FSIP2: variants seen among roughly 807,000 people sequenced by gnomAD.
The protein encoded by FSIP2 is fibrous sheath interacting protein 2, also known as fibrous sheath-interacting protein 2.
A neutral mutation model predicts 510.5 loss-of-function variants in FSIP2; 367 were observed. That is an observed-to-expected ratio of 0.72 (90% CI 0.66 to 0.78). FSIP2 has a LOEUF of 0.78. Among genes scored for constraint, FSIP2 ranks in the 30% least tolerant of loss-of-function variants. The pLI is 0.00. For synonymous variants in FSIP2, 2,601 were observed against 2,732.2 expected, an observed-to-expected ratio of 0.95 and a Z score of 1.50; for missense variants, 7,594 against 7,901.7, an observed-to-expected ratio of 0.96 and a Z score of 1.48.
chr2:185,767,513 T>C (rs79588984), intron 13 of FSIP2, among the ~76,000 whole-genome samples: 1,573 of 152,166 alleles, frequency 0.01, 17 homozygotes, highest in African/African-American at 0.035. Flanking sequence ...GACATTTTTA[T>C]ATAACACATA....
At chr2:185,738,770 C>T (rs1289276014), upstream of FSIP2, 2 of 1,535,796 alleles carry the variant, frequency 1.3e-6, no homozygotes, top group African/African-American at 1.4e-5. Context: ...GCCTGGAACG[C>T]GGGGGGCGGG....
intron 17 of FSIP2, among the ~76,000 whole-genome samples, chr2:185,812,065 G>C (rs1693743930): frequency 6.6e-6 from 1 of 152,102 alleles, no homozygotes; most frequent in South Asian, 2.1e-4. Context: ...TAGTGCAGTT[G>C]TTGGAAGAAA....
chr2:185,767,224 C>T (rs1411434613), intron 13 of FSIP2, among the ~76,000 whole-genome samples: 24 of 148,728 alleles, frequency 1.6e-4, no homozygotes, highest in Admixed American at 2.7e-4. Context: ...TGCTAGATGA[C>T]GAGTTAGTGG....
rs775883059 is a variant in FSIP2 at position 185,745,493 on chromosome 2, T to A, written c.542T>A (p.Val181Asp). The stretch of plus-strand genomic sequence containing the variant: ...AATCAAATCCCTCAACATTGTGATG[T>A]TGCACAAGTCCAAAACTGGTTGTTA... ...ENNQIPQHCD[V>D]AQVQNWLLKE... The change falls in exon 5 of 23, where the codon GTT becomes GAT. Residue 181 changes from valine (V) to aspartate (D), a missense_variant. By Grantham distance (152) the Val-to-Asp change is radical. Coordinates refer to ENST00000424728, the MANE Select transcript of FSIP2 (RefSeq NM_173651.4). 2 of 1,535,496 alleles carry A rather than the reference T, an allele frequency of 1.3e-6. No individual in the cohort carries two copies. The highest frequency in any genetic ancestry group is 2.4e-5 in the South Asian group (2 of 84,030).
chr2:185,813,734 AC>A lies in FSIP2; in HGVS notation c.20018del (p.Thr6673IlefsTer15). ...TGAAGATGAAGTTGTTTTAACACAG[AC>A]TTTTGCAAAAGAAGAAGGCATCAAA... is the stretch of plus-strand genomic sequence containing the variant. ...SDEDEVVLTQTFAKEEGIKVF... is the reference protein window; with the variant it reads ...SDEDEVVLTQXFAKEEGIKVF... On this transcript the variant is annotated frameshift_variant, in exon 18 of 23. Transcript: ENST00000424728. LOFTEE classifies it high-confidence loss of function. 3 of 1,612,328 alleles carry A rather than the reference AC, an allele frequency of 1.9e-6. No individual in the cohort carries two copies. Among genetic ancestry groups the A allele is most frequent in the Non-Finnish European group, 2.5e-6 (3 of 1,179,204 alleles).
chr2:185,749,073 A>G (rs1177784896), intron 7 of FSIP2, among the ~76,000 whole-genome samples: 1 of 151,982 alleles, frequency 6.6e-6, no homozygotes, highest in Non-Finnish European at 1.5e-5. Context: ...AATTCTTTGA[A>G]TCTGTCATGT....
At position 185,793,350 on chromosome 2, in the gene FSIP2, GT is replaced by G; in HGVS notation, c.6216del (p.Ile2073LeufsTer46). 6.5e-7 allele frequency: 1 copy of G among 1,534,006 alleles called. No homozygotes were observed. Among genetic ancestry groups the G allele is most frequent in the Non-Finnish European group, 8.7e-7 (1 of 1,145,574 alleles). ...KEIDLDQQKGVIEKLLNETKY... is the reference protein window; with the variant it reads ...KEIDLDQQKGXIEKLLNETKY... Reference sequence around the variant, plus strand: ...GATCGATTTAGATCAGCAAAAAGGTGTTATTGAAAAGCTGCTCAATGAGACC... The same window carrying G: ...GATCGATTTAGATCAGCAAAAAGGTGTATTGAAAAGCTGCTCAATGAGACC... On this transcript the variant is annotated frameshift_variant, in exon 16 of 23. Transcript: ENST00000424728. LOFTEE classifies it high-confidence loss of function.
At chr2:185,832,960 C>A in intron 22 of FSIP2, 130 bp from the exon 23 acceptor site, 2 of 693,564 alleles carry the variant, frequency 2.9e-6, no homozygotes, top group East Asian at 2.7e-5. Flanking sequence ...CATAATGATG[C>A]CATGAGAGTC....
In FSIP2 at chr2:185,740,402, C is replaced by CTATT. The variant is rs1691901410; in HGVS notation, c.225+933_225+934insTTTA. ...ACCCCCAAACCTCCCCAGCCTTTGA[C>CTATT]TAAGTAGTCAATGCTGAAGGAGGTT... On this transcript the variant is annotated intron_variant, in intron 2 of 22. Transcript: ENST00000424728. The CTATT allele has an allele frequency of 2.6e-5, 4 of 152,338 alleles. No individual in the cohort carries two copies. The South Asian group carries it at 6.2e-4, about 24-fold the overall frequency. The allele number at this position is 152,338 out of a possible 1,614,324, so 9.4% of individuals were successfully genotyped here. A position where few individuals can be genotyped will look rare whatever the true frequency, so the allele number is the denominator to read the frequency against.
At chr2:185,766,269 T>C (rs902139327) in intron 13 of FSIP2, 1 of 151,646 alleles carries the variant, frequency 6.6e-6, no homozygotes, top group East Asian at 2.0e-4. Flanking sequence ...AAGGACTTCA[T>C]GTCTAAAACA....
At chr2:185,744,822 G>A (rs1286478144) in intron 4 of FSIP2, 1 of 152,728 alleles carries the variant, frequency 6.5e-6, no homozygotes, top group East Asian at 1.9e-4. Context: ...TGTACACTCT[G>A]TGTTTGTACT....
chr2:185,830,057 A>C (rs1694079418), intron 21 of FSIP2, among the ~76,000 whole-genome samples: 1 of 151,928 alleles, frequency 6.6e-6, no homozygotes, highest in Non-Finnish European at 1.5e-5. Flanking sequence ...AACAGAAATT[A>C]AATTGAAACC....
intron 21 of FSIP2, 66 bp downstream of exon 21, chr2:185,828,265 A>C: frequency 1.1e-6 from 1 of 894,454 alleles, no homozygotes; most frequent in Admixed American, 2.0e-5. Context: ...CTCAGTTTTC[A>C]TAGTTCAGTC....
rs930789706 is a variant in FSIP2 at position 185,810,661 on chromosome 2, C to T, written c.19827+1528C>T. ...GAGTGGGGCGTTATACCTGAAAATA[C>T]GGAAGCACCTTTGGAACTAGTGCTG... On this transcript the variant is annotated intron_variant, in intron 17 of 22. Coordinates refer to ENST00000424728, the MANE Select transcript of FSIP2 (RefSeq NM_173651.4). 3.3e-5 allele frequency among the ~76,000 whole-genome samples: 5 copies of T among 149,436 alleles called. No homozygotes were observed. In the East Asian group the frequency reaches 1.0e-3, roughly 30 times the overall value.
chr2:185,740,381 C>T (rs1026128653), intron 2 of FSIP2: 1 of 152,152 alleles, frequency 6.6e-6, no homozygotes, highest in African/African-American at 2.4e-5. Flanking sequence ...ACACCTACCC[C>T]CAAACCTCCC....
chr2:185,786,077 G>C (rs1230302459), intron 14 of FSIP2, among the ~76,000 whole-genome samples, 175 bp from the exon 15 acceptor site: 2 of 151,892 alleles, frequency 1.3e-5, no homozygotes, highest in Non-Finnish European at 2.9e-5. Flanking sequence ...CTAGAGGCCA[G>C]TCTAAGGAGG....
At chr2:185,815,589 C>T (rs1693811182) in intron 19 of FSIP2, 118 bp downstream of exon 19, 1 of 504,442 alleles carries the variant, frequency 2.0e-6, no homozygotes, top group Non-Finnish European at 3.5e-6. Context: ...CCTTCCCCAA[C>T]TTCTTCCCTT....
chr2:185,790,328 T>A lies in FSIP2; in HGVS notation c.3192T>A (p.His1064Gln). The change falls in exon 16 of 23, where the codon CAT becomes CAA. Residue 1064 changes from histidine (H) to glutamine (Q), a missense_variant. Physicochemically the swap from His to Gln is conservative, Grantham distance 24. Transcript: ENST00000424728. ...KPGSRSKAAFHDWELKTEPPS... is the reference protein window; with the variant it reads ...KPGSRSKAAFQDWELKTEPPS... ...GTTCTAGAAGCAAAGCTGCATTTCATGATTGGGAATTAAAGACTGAGCCAC... is the reference window on the plus strand; with the variant it reads ...GTTCTAGAAGCAAAGCTGCATTTCAAGATTGGGAATTAAAGACTGAGCCAC... The A allele has an allele frequency of 6.5e-7, 1 of 1,533,660 alleles. No individual in the cohort carries two copies. The highest frequency in any genetic ancestry group is 2.0e-5 in the Admixed American group (1 of 50,816).
chr2:185,804,488 T>C lies in FSIP2; in HGVS notation c.15182T>C (p.Leu5061Pro). 5.9e-6 allele frequency: 9 copies of C among 1,515,836 alleles called. No homozygotes were observed. Among genetic ancestry groups the C allele is most frequent in the Non-Finnish European group, 7.9e-6 (9 of 1,136,334 alleles). 93.9% of individuals were successfully genotyped at this position (1,515,836 alleles called of 1,614,324 possible). The change falls in exon 17 of 23, where the codon CTA becomes CCA. Residue 5061 changes from leucine to proline, a missense_variant. Coordinates refer to ENST00000424728, the MANE Select transcript of FSIP2 (RefSeq NM_173651.4). ...TTTGGTAGGAAAATATATTATTTGC[T>C]ATTGGAAGAAATATATGATTATCAA... ...ICFGRKIYYL[L>P]LEEIYDYQVQ...
Sources: gnomAD v4.1 joint callset for allele counts (sites outside exome capture counted in the v4.1 genomes callset) on GRCh38, gnomAD v4.1.1 for gene constraint, MANE v1.5 for transcripts, NCBI Gene and HGNC (gene_info 2026-07-23, HGNC 2026-07-21) for gene names.